DGAT1: variants seen among roughly 807,000 people sequenced by gnomAD.
The protein encoded by DGAT1 is diacylglycerol O-acyltransferase 1, also known as ACAT related gene product 1.
Under a neutral mutation model 72.6 loss-of-function variants are expected in DGAT1, and 60 were observed. That is an observed-to-expected ratio of 0.83 (90% CI 0.67 to 1.02). DGAT1 has a LOEUF of 1.02. Among genes scored for constraint, DGAT1 ranks in the 50% least tolerant of loss-of-function variants. The probability of loss-of-function intolerance (pLI) is 0.00; values close to 1 mark genes in which losing one functional copy is unlikely to be tolerated. For missense variants in DGAT1, 592 were observed against 670.0 expected (o/e 0.88, Z 1.29); for synonymous variants, 290 against 267.5 (o/e 1.08, Z -0.82).
In DGAT1 at chr8:144,319,188, TTGCAGACCCAGCCC is replaced by T. The variant is rs1464142168; in HGVS notation, c.289-134_289-121del. On this transcript the variant is annotated intron_variant, in intron 2 of 16. Transcript: ENST00000528718. The stretch of plus-strand genomic sequence containing the variant: ...CGAGCTCAGGGCGGCAGCCTCAGGC[TTGCAGACCCAGCCC>T]TGTCTGGTCTCCATGCCAAGCTCTG... The T allele has an allele frequency of 1.0e-5, 12 of 1,166,606 alleles. No individual in the cohort carries two copies. In the Admixed American group the frequency reaches 2.4e-4, roughly 23 times the overall value. 72.3% of individuals were successfully genotyped at this position (1,166,606 alleles called of 1,614,324 possible). A position where few individuals can be genotyped will look rare whatever the true frequency, so the allele number is the denominator to read the frequency against.
chr8:144,316,779 A>C, intron 16 of DGAT1, 70 bp from the exon 17 acceptor site: 1 of 1,597,298 alleles, frequency 6.3e-7, no homozygotes, highest in Non-Finnish European at 8.5e-7. Flanking sequence ...GTCCCTGGGC[A>C]TGGGGAGGGT....
intron 1 of DGAT1, among the ~76,000 whole-genome samples, chr8:144,324,552 C>T (rs1355725560): frequency 1.3e-5 from 2 of 152,156 alleles, no homozygotes; most frequent in African/African-American, 4.8e-5. Flanking sequence ...GAAGGCCTCA[C>T]CTCTCCATCT....
At chr8:144,320,039 TCTG>T (rs1271794623) in intron 2 of DGAT1, among the ~76,000 whole-genome samples, 15 of 152,192 alleles carry the variant, frequency 9.9e-5, no homozygotes, top group Admixed American at 9.8e-4. Flanking sequence ...ACACAGGCCT[TCTG>T]CATGGACACG....
rs371489225 is a variant in DGAT1, at chr8:144,316,852, C to T, written c.1311+1G>A. Reference sequence around the variant, plus strand: ...GAGGAGGCCACGTGGGGGTCACTCACCTGAGCCATCATGCCCGTGAACGCC... The same window carrying T: ...GAGGAGGCCACGTGGGGGTCACTCATCTGAGCCATCATGCCCGTGAACGCC... On this transcript the variant is annotated splice_donor_variant, in intron 16 of 16. Transcript: ENST00000528718. LOFTEE classifies it high-confidence loss of function. 2.5e-5 allele frequency: 40 copies of T among 1,609,248 alleles called. No homozygotes were observed. Among genetic ancestry groups the T allele is most frequent in the Non-Finnish European group, 3.2e-5 (38 of 1,178,546 alleles).
At position 144,318,604 on chromosome 8, in the gene DGAT1, T is replaced by C. The variant is rs552214369; in HGVS notation, c.469-38A>G. The C allele has an allele frequency of 4.4e-6, 7 of 1,605,910 alleles. No individual in the cohort carries two copies. The East Asian group carries it at 1.3e-4, about 31-fold the overall frequency. The stretch of plus-strand genomic sequence containing the variant: ...GCAGAGCACTCAACCAGGGCTCCCA[T>C]TGCCTGGGAGAGGGCTGCCAGGCCT... On this transcript the variant is annotated intron_variant, in intron 5 of 16. Transcript: ENST00000528718.
chr8:144,322,529 G>C (rs1817487039), intron 1 of DGAT1, among the ~76,000 whole-genome samples: 1 of 152,212 alleles, frequency 6.6e-6, no homozygotes. Context: ...ATTGGGGTCG[G>C]CAGTCAGACG....
In DGAT1 at chr8:144,318,679, A is replaced by T; in HGVS notation, c.468+20T>A. 1 of 1,608,724 alleles carries T rather than the reference A, an allele frequency of 6.2e-7. No individual in the cohort carries two copies. Among genetic ancestry groups the T allele is most frequent in the Non-Finnish European group, 8.5e-7 (1 of 1,178,052 alleles). The stretch of plus-strand genomic sequence containing the variant: ...CACACAGCAGGGTGAGCACACACGG[A>T]GGTGAGGGGCACTGCTTACCACCGC... On this transcript the variant is annotated intron_variant, in intron 5 of 16. Transcript: ENST00000528718.
chr8:144,323,183 C>T (rs1817505021), intron 1 of DGAT1, among the ~76,000 whole-genome samples: 1 of 152,206 alleles, frequency 6.6e-6, no homozygotes. Context: ...TGACCCCTGC[C>T]CCCTTTGAGC....
rs1817324084 is a variant in DGAT1 at position 144,318,363 on chromosome 8, C to T, written c.575-1G>A. 2 of 1,610,790 alleles carry T rather than the reference C, an allele frequency of 1.2e-6. No individual in the cohort carries two copies. Among genetic ancestry groups the T allele is most frequent in the South Asian group, 1.1e-5 (1 of 90,880 alleles). On this transcript the variant is annotated splice_acceptor_variant, in intron 6 of 16. Transcript: ENST00000528718. LOFTEE classifies it high-confidence loss of function. ...GCCATCAGCGCCAGCAGGGAGCCCACTGCAGGAGAGGTGGACTCAGGCCTC... is the reference window on the plus strand; with the variant it reads ...GCCATCAGCGCCAGCAGGGAGCCCATTGCAGGAGAGGTGGACTCAGGCCTC...
In DGAT1 at chr8:144,318,751, G is replaced by A. The variant is rs140443241; in HGVS notation, c.416C>T (p.Ala139Val). Residue 139 changes from alanine to valine, a missense_variant and splice_region_variant, in exon 5 of 17, where the codon GCG (alanine) becomes GTG (valine). Coordinates refer to ENST00000528718, the MANE Select transcript of DGAT1 (RefSeq NM_012079.6). Reference sequence around the variant, plus strand: ...TGCAGCCACAGCAAAGACATTGGCCGCTGTGGACAGAAGCACCAAGGGGCA... The same window carrying A: ...TGCAGCCACAGCAAAGACATTGGCCACTGTGGACAGAAGCACCAAGGGGCA... The part of the protein sequence containing the change: ...YSWPAPCLVI[A>V]ANVFAVAAFQ... The A allele has an allele frequency of 1.2e-5, 19 of 1,606,298 alleles. No individual in the cohort carries two copies. The highest frequency in any genetic ancestry group is 5.1e-5 in the Admixed American group (3 of 58,580).
chr8:144,318,225 C>G (rs781956660), intron 7 of DGAT1, 36 bp downstream of exon 7: 11 of 1,610,054 alleles, frequency 6.8e-6, no homozygotes, highest in Non-Finnish European at 9.3e-6. Context: ...TGCCCAGCCC[C>G]CCAGCAGGCA....
intron 9 of DGAT1, 42 bp downstream of exon 9, chr8:144,317,872 G>GC (rs782152356): frequency 1.3e-6 from 2 of 1,571,190 alleles, no homozygotes; most frequent in African/African-American, 2.7e-5. Flanking sequence ...TAGCCAGAAG[G>GC]CCCCCTAGCC....
chr8:144,324,186 A>T (rs374168634), intron 1 of DGAT1, among the ~76,000 whole-genome samples: 50 of 152,264 alleles, frequency 3.3e-4, no homozygotes, highest in African/African-American at 1.2e-3. Flanking sequence ...GGCCGGAAGA[A>T]AGGAGCTCAC....
chr8:144,314,635 C>G lies in DGAT1; in HGVS notation c.*1919G>C. 1 of 442,644 alleles carries G rather than the reference C, an allele frequency of 2.3e-6. No individual in the cohort carries two copies. The highest frequency in any genetic ancestry group is 4.2e-6 in the Non-Finnish European group (1 of 239,936). The allele number at this position is 442,644 out of a possible 1,614,324, so 27.4% of individuals were successfully genotyped here. A position where few individuals can be genotyped will look rare whatever the true frequency, so the allele number is the denominator to read the frequency against. ...GATTTTTACACAACTGTCCCGTTCC[C>G]CGCTCCACAGAGATACACAGATATA... On this transcript the variant is annotated 3_prime_UTR_variant, in exon 17 of 17. Coordinates refer to ENST00000528718, the MANE Select transcript of DGAT1 (RefSeq NM_012079.6).
chr8:144,316,568 C>A lies in DGAT1; in HGVS notation c.1453G>T (p.Ala485Ser). The A allele has an allele frequency of 1.3e-6, 2 of 1,597,948 alleles. No individual in the cohort carries two copies. The change falls in exon 17 of 17, where the codon GCG (alanine) becomes TCG (serine). Residue 485 changes from alanine to serine, a missense_variant. By Grantham distance (99) the Ala-to-Ser change is moderately conservative. Transcript: ENST00000528718. The part of the protein sequence containing the change: ...DYYVLNYEAP[A>S]AEA ...TCAGGTGCAGCTCAGGCCTCTGCCG[C>A]TGGGGCCTCATAGTTGAGCACGTAG...
chr8:144,316,939 G>A (rs369528418), intron 15 of DGAT1, 24 bp from the exon 16 acceptor site: 2 of 1,612,370 alleles, frequency 1.2e-6, no homozygotes, highest in Non-Finnish European at 1.7e-6. Flanking sequence ...GAGAGAGGAT[G>A]CCAGGGAGTG....
Position 144,316,038 on chromosome 8 carries a change from G to T in DGAT1, c.*516C>A. The T allele has an allele frequency of 1.6e-6, 1 of 620,634 alleles. No individual in the cohort carries two copies. The highest frequency in any genetic ancestry group is 2.0e-6 in the Non-Finnish European group (1 of 494,790). 38.4% of individuals were successfully genotyped at this position (620,634 alleles called of 1,614,324 possible). A position where few individuals can be genotyped will look rare whatever the true frequency, so the allele number is the denominator to read the frequency against. Reference sequence around the variant, plus strand: ...ATCCTGCACTGAGGGCCAGAGTGCCGATTCCCGCACACCCAGCAGGAGTAG... The same window carrying T: ...ATCCTGCACTGAGGGCCAGAGTGCCTATTCCCGCACACCCAGCAGGAGTAG... On this transcript the variant is annotated 3_prime_UTR_variant, in exon 17 of 17. Coordinates refer to ENST00000528718, the MANE Select transcript of DGAT1 (RefSeq NM_012079.6).
At chr8:144,321,903 C>G (rs1169859739) in intron 1 of DGAT1, among the ~76,000 whole-genome samples, 1 of 152,218 alleles carries the variant, frequency 6.6e-6, no homozygotes, top group African/African-American at 2.4e-5. Flanking sequence ...CACACTTGGA[C>G]GTGCAGGCTC....
At chr8:144,321,026 G>A (rs1192398356) in intron 2 of DGAT1, among the ~76,000 whole-genome samples, 1 of 152,222 alleles carries the variant, frequency 6.6e-6, no homozygotes, top group East Asian at 1.9e-4. Context: ...GGCACTGTTC[G>A]GCCTCCCCAC....
Sources: gnomAD v4.1 joint callset for allele counts (sites outside exome capture counted in the v4.1 genomes callset) on GRCh38, gnomAD v4.1.1 for gene constraint, MANE v1.5 for transcripts, NCBI Gene and HGNC (gene_info 2026-07-23, HGNC 2026-07-21) for gene names.